The following PARVB variants were observed in gnomAD, a reference collection of about 807,000 sequenced individuals.
The protein encoded by PARVB is parvin beta.
In PARVB, 46 loss-of-function variants were observed where a neutral mutation model predicts 47.0. The ratio of observed to expected loss-of-function variants is 0.98; its 90% CI spans 0.77 to 1.25. PARVB has a LOEUF of 1.25. Among genes scored for constraint, PARVB ranks in the 50% most tolerant of loss-of-function variants. PARVB has a pLI of 0.00. For missense variants in PARVB, 473 were observed against 471.6 expected, an observed-to-expected ratio of 1.00 and a Z score of -0.03; for synonymous variants, 196 against 196.3, an observed-to-expected ratio of 1.00 and a Z score of 0.01.
chr22:44,051,988 C>T (rs1046872026), intron 1 of PARVB, among the ~76,000 whole-genome samples: 4 of 152,128 alleles, frequency 2.6e-5, no homozygotes, highest in African/African-American at 7.2e-5. Context: ...GAGGCCAGGA[C>T]GGATCCTCGC....
chr22:44,005,221 T>C (rs1484728419), intron 2 of PARVB, among the ~76,000 whole-genome samples: 1 of 151,414 alleles, frequency 6.6e-6, no homozygotes, highest in East Asian at 1.9e-4. Context: ...TGCTTCAGCC[T>C]CCCAAGTAAC....
At chr22:44,018,445 T>TAAAA (rs2050608508) in intron 2 of PARVB, among the ~76,000 whole-genome samples, 1 of 152,146 alleles carries the variant, frequency 6.6e-6, no homozygotes, top group African/African-American at 2.4e-5. Context: ...GATGTTTCTG[T>TAAAA]GTCTTCCCTG....
At position 44,163,949 on chromosome 22, in the gene PARVB, G is replaced by T; in HGVS notation, c.1018+19G>T. On this transcript the variant is annotated intron_variant, in intron 12 of 12. Transcript: ENST00000338758. The stretch of plus-strand genomic sequence containing the variant: ...CCTGAAGGTAATGCCCCTGGCTCAG[G>T]TTCCCCCGGGAGAGGTGCGCACGGA... The T allele has an allele frequency of 1.3e-6, 2 of 1,599,822 alleles. No individual in the cohort carries two copies. The highest frequency in any genetic ancestry group is 2.3e-5 in the East Asian group (1 of 44,378).
At chr22:44,132,800 A>C (rs1289843885) in intron 5 of PARVB, 94 bp from the exon 6 acceptor site, 1 of 781,342 alleles carries the variant, frequency 1.3e-6, no homozygotes, top group African/African-American at 1.7e-5. Context: ...CTGGGGTCTC[A>C]TTTAGATGCT....
chr22:44,086,466 T>C (rs914070056), intron 1 of PARVB, among the ~76,000 whole-genome samples: 2 of 152,216 alleles, frequency 1.3e-5, no homozygotes, highest in African/African-American at 4.8e-5. Flanking sequence ...TTGGAGTTCG[T>C]AACCTCCTGG....
intron 4 of PARVB, among the ~76,000 whole-genome samples, chr22:44,120,551 G>A (rs1415593196): frequency 1.8e-4 from 27 of 152,306 alleles, no homozygotes; most frequent in African/African-American, 6.0e-4. Context: ...GTATCAGGAG[G>A]AGCACACAAT....
chr22:44,095,978 C>A (rs1280640196), intron 2 of PARVB, among the ~76,000 whole-genome samples: 1 of 152,154 alleles, frequency 6.6e-6, no homozygotes. Context: ...AATCTCGGCA[C>A]TTTGGGAGGC....
chr22:44,086,113 C>T (rs1367052040), intron 1 of PARVB, among the ~76,000 whole-genome samples: 1 of 152,178 alleles, frequency 6.6e-6, no homozygotes, highest in Non-Finnish European at 1.5e-5. Flanking sequence ...CTCCTCTAGT[C>T]ATGTCAGCAC....
At chr22:44,101,684 G>A (rs1237400661) in intron 3 of PARVB, among the ~76,000 whole-genome samples, 4 of 149,356 alleles carry the variant, frequency 2.7e-5, no homozygotes, top group African/African-American at 9.9e-5. Flanking sequence ...AGAGGCAGAT[G>A]TTGCGTTGAG....
intron 7 of PARVB, 120 bp downstream of exon 7, chr22:44,136,638 C>A: frequency 1.3e-6 from 1 of 776,692 alleles, no homozygotes; most frequent in South Asian, 1.4e-5. Context: ...CACACCCCTT[C>A]TCTGTAGCAT....
At chr22:44,010,887 CTA>C (rs1431513160) in intron 2 of PARVB, among the ~76,000 whole-genome samples, 2 of 148,464 alleles carry the variant, frequency 1.3e-5, no homozygotes, top group African/African-American at 5.0e-5. Flanking sequence ...GGCACCATGC[CTA>C]TTTTTTTTTT....
rs546558746 is a variant in PARVB at position 44,010,332 on chromosome 22, C to T, written c.211+10659C>T. On this transcript the variant is annotated intron_variant, in intron 2 of 13. Coordinates refer to the PARVB transcript ENST00000406477. ...GAATGGCACCACGTCCCACTAAGAT[C>T]ACTCTGCCCTTTCCCCTGCCAGGGT... Among the ~76,000 whole-genome samples the T allele has an allele frequency of 6.1e-4, 93 of 152,316 alleles. 1 individual carries two copies. In the South Asian group the frequency reaches 0.019, roughly 31 times the overall value.
intron 2 of PARVB, among the ~76,000 whole-genome samples, chr22:44,098,584 G>A (rs895357167): frequency 6.6e-6 from 1 of 152,054 alleles, no homozygotes; most frequent in Non-Finnish European, 1.5e-5. Context: ...GGAGGACGCC[G>A]GCCTTGATCC....
At chr22:44,057,526 G>T (rs768593706) in intron 1 of PARVB, among the ~76,000 whole-genome samples, 2 of 152,084 alleles carry the variant, frequency 1.3e-5, no homozygotes, top group Non-Finnish European at 2.9e-5. Flanking sequence ...CTTGGCAGGG[G>T]TGGTTTTGGA....
chr22:44,016,318 G>A (rs536941081), intron 2 of PARVB, among the ~76,000 whole-genome samples: 421 of 151,896 alleles, frequency 2.8e-3, no homozygotes, highest in Middle Eastern at 0.014. Flanking sequence ...GGATGGTCTC[G>A]ATCTCCTGAC....
At chr22:44,166,880 G>A (rs1244966091) in intron 12 of PARVB, among the ~76,000 whole-genome samples, 1 of 152,230 alleles carries the variant, frequency 6.6e-6, no homozygotes, top group Non-Finnish European at 1.5e-5. Flanking sequence ...AGAATGACAC[G>A]GAGAATGGGG....
At chr22:44,023,743 C>T (rs920357537), upstream of PARVB, among the ~76,000 whole-genome samples, 1 of 152,084 alleles carries the variant, frequency 6.6e-6, no homozygotes, top group African/African-American at 2.4e-5. Context: ...CCTCATGGTA[C>T]CGGCCTGCAA....
intron 1 of PARVB, among the ~76,000 whole-genome samples, chr22:44,061,053 C>T (rs948727247): frequency 3.3e-5 from 5 of 152,284 alleles, no homozygotes; most frequent in South Asian, 2.1e-4. Context: ...CTGACCTGTG[C>T]GTTCTCTGCA....
intron 1 of PARVB, among the ~76,000 whole-genome samples, chr22:44,047,943 G>C (rs536925345): frequency 2.0e-5 from 3 of 152,164 alleles, no homozygotes; most frequent in Admixed American, 1.3e-4. Context: ...AGTCAGCCCC[G>C]GGGAAGACCA....
Sources: gnomAD v4.1 joint callset for allele counts (sites outside exome capture counted in the v4.1 genomes callset) on GRCh38, gnomAD v4.1.1 for gene constraint, MANE v1.5 for transcripts, NCBI Gene and HGNC (gene_info 2026-07-23, HGNC 2026-07-21) for gene names.